Variants in TYR observed in about 807,000 individuals in gnomAD.
TYR encodes LB24-AB.
In TYR, 58 loss-of-function variants were observed where a neutral mutation model predicts 51.5. The ratio of observed to expected loss-of-function variants is 1.13; its 90% CI spans 0.91 to 1.40. The LOEUF is 1.40. Ranked by LOEUF, TYR falls within the 40% of genes most tolerant of loss-of-function variation. The pLI, the probability that TYR is intolerant of heterozygous loss-of-function variation, is 0.00. For synonymous variants in TYR, 263 were observed against 235.2 expected (o/e 1.12, Z -1.08); for missense variants, 732 against 647.4 (o/e 1.13, Z -1.42).
chr11:89,286,699 C>T (rs1944791765), intron 4 of TYR, among the ~76,000 whole-genome samples: 1 of 151,710 alleles, frequency 6.6e-6, no homozygotes, highest in African/African-American at 2.4e-5. Context: ...AGACTGTAGC[C>T]AATGCACAAA....
At chr11:89,211,239 G>T (rs1303673704) in intron 2 of TYR, among the ~76,000 whole-genome samples, 1 of 152,018 alleles carries the variant, frequency 6.6e-6, no homozygotes, top group Non-Finnish European at 1.5e-5. Context: ...ACACACATAG[G>T]CTCAAAATAA....
intron 3 of TYR, among the ~76,000 whole-genome samples, chr11:89,255,464 G>A (rs1027899759): frequency 1.3e-5 from 2 of 151,430 alleles, no homozygotes; most frequent in Non-Finnish European, 3.0e-5. Flanking sequence ...TTTTAGGAAG[G>A]GTTTGTATTT....
At chr11:89,275,886 T>C (rs1944648026) in intron 3 of TYR, among the ~76,000 whole-genome samples, 1 of 151,900 alleles carries the variant, frequency 6.6e-6, no homozygotes, top group South Asian at 2.1e-4. Context: ...ATTTAGGTTA[T>C]AGTTCACAAT....
intron 3 of TYR, among the ~76,000 whole-genome samples, chr11:89,267,721 A>G (rs1198160546): frequency 1.3e-5 from 2 of 151,924 alleles, no homozygotes; most frequent in Non-Finnish European, 2.9e-5. Context: ...GTAAAATGTC[A>G]CGTAGTTTTC....
At chr11:89,255,024 C>T (rs992851499) in intron 3 of TYR, among the ~76,000 whole-genome samples, 1 of 151,652 alleles carries the variant, frequency 6.6e-6, no homozygotes, top group African/African-American at 2.4e-5. Flanking sequence ...TATTATTGTT[C>T]AGTTCAAAAA....
intron 1 of TYR, among the ~76,000 whole-genome samples, chr11:89,185,726 G>C (rs1022016482): frequency 3.3e-5 from 5 of 152,024 alleles, no homozygotes; most frequent in African/African-American, 1.2e-4. Context: ...CTTTTGCTTC[G>C]AATGTATCTC....
intron 2 of TYR, among the ~76,000 whole-genome samples, chr11:89,213,613 G>A (rs1441982631): frequency 6.6e-6 from 1 of 152,088 alleles, no homozygotes; most frequent in Non-Finnish European, 1.5e-5. Flanking sequence ...GAACCAAAAA[G>A]AGCCTGCATA....
chr11:89,275,469 C>T (rs74885053), intron 3 of TYR, among the ~76,000 whole-genome samples: 2 of 152,056 alleles, frequency 1.3e-5, no homozygotes, highest in East Asian at 3.9e-4. Flanking sequence ...AGATCTTCTA[C>T]TGCTTTCTAG....
intron 2 of TYR, among the ~76,000 whole-genome samples, chr11:89,211,082 A>T (rs1400207689): frequency 6.6e-6 from 1 of 152,202 alleles, no homozygotes; most frequent in Non-Finnish European, 1.5e-5. Flanking sequence ...AGTTAGCATC[A>T]TAATGGCAGG....
At chr11:89,286,796 G>A (rs529471523) in intron 4 of TYR, among the ~76,000 whole-genome samples, 2 of 151,818 alleles carry the variant, frequency 1.3e-5, no homozygotes, top group African/African-American at 2.4e-5. Flanking sequence ...GTGGAGGTGT[G>A]GTAAGAGGAG....
intron 3 of TYR, among the ~76,000 whole-genome samples, chr11:89,254,138 TTTACA>T (rs1944361544): frequency 6.6e-6 from 1 of 151,742 alleles, no homozygotes; most frequent in Non-Finnish European, 1.5e-5. Flanking sequence ...TACTGACTTG[TTTACA>T]TTAAACTATC....
chr11:89,206,574 G>A (rs1235026009), intron 2 of TYR, among the ~76,000 whole-genome samples: 1 of 152,060 alleles, frequency 6.6e-6, no homozygotes. Flanking sequence ...TTAACCAACA[G>A]GACTAGGCAA....
chr11:89,285,364 G>A (rs1211565313), intron 4 of TYR, among the ~76,000 whole-genome samples: 1 of 151,776 alleles, frequency 6.6e-6, no homozygotes, highest in Non-Finnish European at 1.5e-5. Context: ...AATGAGCCTA[G>A]TACAGTGTAA....
chr11:89,182,641 C>G (rs1475805026), intron 1 of TYR, among the ~76,000 whole-genome samples: 1 of 152,094 alleles, frequency 6.6e-6, no homozygotes, highest in East Asian at 1.9e-4. Flanking sequence ...TAATTCATGT[C>G]TGTTGTTTGC....
intron 3 of TYR, among the ~76,000 whole-genome samples, chr11:89,260,388 G>C (rs766943489): frequency 3.7e-4 from 56 of 152,064 alleles, no homozygotes; most frequent in Non-Finnish European, 7.4e-4. Context: ...ATGAAGGCCA[G>C]AAAACAAAGG....
At chr11:89,225,325 A>C (rs1431745231) in intron 2 of TYR, among the ~76,000 whole-genome samples, 5 of 151,876 alleles carry the variant, frequency 3.3e-5, no homozygotes, top group Admixed American at 2.0e-4. Flanking sequence ...AGTATACCAT[A>C]CATTATTATT....
chr11:89,212,845 A>G (rs1038150855), intron 2 of TYR, among the ~76,000 whole-genome samples: 3 of 152,232 alleles, frequency 2.0e-5, no homozygotes, highest in Non-Finnish European at 2.9e-5. Flanking sequence ...AAACCACTTG[A>G]TTATCTCCAT....
At chr11:89,262,298 A>T (rs1944466380) in intron 3 of TYR, among the ~76,000 whole-genome samples, 1 of 152,128 alleles carries the variant, frequency 6.6e-6, no homozygotes, top group Non-Finnish European at 1.5e-5. Flanking sequence ...ACCTCAGGTG[A>T]TCTGCCAGCC....
chr11:89,249,003 A>T (rs753485557), intron 3 of TYR, among the ~76,000 whole-genome samples: 43 of 152,130 alleles, frequency 2.8e-4, no homozygotes, highest in Admixed American at 5.2e-4. Flanking sequence ...AGAAGAGTGG[A>T]GATGTTTACT....
Sources: gnomAD v4.1 joint callset for allele counts (sites outside exome capture counted in the v4.1 genomes callset) on GRCh38, gnomAD v4.1.1 for gene constraint, MANE v1.5 for transcripts, NCBI Gene and HGNC (gene_info 2026-07-23, HGNC 2026-07-21) for gene names.